PTPRD: variants seen among roughly 807,000 people sequenced by gnomAD.
PTPRD encodes the protein receptor-type tyrosine-protein phosphatase delta.
PTPRD carries 34 observed loss-of-function variants against 214.5 expected under a neutral mutation model. That is an observed-to-expected ratio of 0.16 (90% CI 0.12 to 0.21). The LOEUF is 0.21. Ranked by LOEUF, PTPRD falls within the 10% of genes least tolerant of loss-of-function variation. PTPRD has a pLI of 1.00. For synonymous variants in PTPRD, 1,128 were observed against 845.7 expected, an observed-to-expected ratio of 1.33 and a Z score of -5.79; for missense variants, 2,545 against 2,398.7, an observed-to-expected ratio of 1.06 and a Z score of -1.27.
At chr9:9,965,210 A>T (rs1452479503) in intron 4 of PTPRD, among the ~76,000 whole-genome samples, 1 of 152,142 alleles carries the variant, frequency 6.6e-6, no homozygotes, top group Non-Finnish European at 1.5e-5. Context: ...TAGAATCATG[A>T]AAAATAAACT....
chr9:9,224,208 T>C (rs2099957981), intron 9 of PTPRD, among the ~76,000 whole-genome samples: 1 of 151,934 alleles, frequency 6.6e-6, no homozygotes, highest in Non-Finnish European at 1.5e-5. Flanking sequence ...GGTGATAGAC[T>C]CAAGAGTAAG....
intron 5 of PTPRD, among the ~76,000 whole-genome samples, chr9:9,784,749 G>C (rs2098904657): frequency 1.3e-5 from 2 of 151,200 alleles, no homozygotes; most frequent in Non-Finnish European, 3.0e-5. Flanking sequence ...TTTATTACCA[G>C]CATTTAAAAT....
intron 9 of PTPRD, among the ~76,000 whole-genome samples, chr9:9,273,775 G>T (rs368429489): frequency 6.6e-6 from 1 of 151,254 alleles, no homozygotes; most frequent in East Asian, 2.0e-4. Context: ...GGAAGTAAGA[G>T]ATTATAATGA....
chr9:10,137,803 A>G (rs2098953673), intron 3 of PTPRD, among the ~76,000 whole-genome samples: 1 of 152,118 alleles, frequency 6.6e-6, no homozygotes, highest in African/African-American at 2.4e-5. Flanking sequence ...TTTGGTAAAC[A>G]ACAAAATTAA....
intron 10 of PTPRD, among the ~76,000 whole-genome samples, chr9:9,074,500 C>T (rs900237118): frequency 3.3e-5 from 5 of 152,012 alleles, no homozygotes; most frequent in Non-Finnish European, 7.4e-5. Context: ...CTTGTAATTT[C>T]TTTCCACCTT....
intron 8 of PTPRD, among the ~76,000 whole-genome samples, chr9:9,522,658 CT>C (rs1183422271): frequency 2.6e-5 from 4 of 152,114 alleles, no homozygotes; most frequent in Non-Finnish European, 4.4e-5. Flanking sequence ...TTCCTGCACT[CT>C]TTTCTCTAAT....
chr9:9,859,713 A>G (rs2153687721), intron 5 of PTPRD, among the ~76,000 whole-genome samples: 1 of 152,302 alleles, frequency 6.6e-6, no homozygotes, highest in South Asian at 2.1e-4. Flanking sequence ...ATCTAGTCTC[A>G]TACTGCTGAC....
Position 8,381,085 on chromosome 9 carries a change from G to A in PTPRD, c.4387-4359C>T, listed in dbSNP as rs137863858. ...ACTTAGAAGAGGCAATAAATGATAC[G>A]TGGGATACCATAACTATTGCTAAAA... On this transcript the variant is annotated intron_variant, in intron 37 of 45. Transcript: ENST00000381196. Among the ~76,000 whole-genome samples the A allele has an allele frequency of 2.7e-4, 41 of 152,270 alleles. 1 individual carries two copies. In the East Asian group the frequency reaches 4.8e-3, roughly 18 times the overall value.
At chr9:9,651,582 A>C (rs1243005427) in intron 7 of PTPRD, among the ~76,000 whole-genome samples, 1 of 152,060 alleles carries the variant, frequency 6.6e-6, no homozygotes, top group Non-Finnish European at 1.5e-5. Flanking sequence ...TGTGTTCTTT[A>C]TTATGGCTGC....
intron 7 of PTPRD, among the ~76,000 whole-genome samples, chr9:9,592,683 A>G (rs1421530310): frequency 3.3e-5 from 5 of 151,986 alleles, no homozygotes; most frequent in Admixed American, 2.0e-4. Flanking sequence ...CCCATAGCCT[A>G]CAAGCAAACA....
At chr9:8,538,857 G>A (rs1310740150) in intron 14 of PTPRD, among the ~76,000 whole-genome samples, 1 of 151,760 alleles carries the variant, frequency 6.6e-6, no homozygotes, top group African/African-American at 2.4e-5. Context: ...CAGTTGAAAG[G>A]AAACACTTTC....
chr9:10,480,982 A>C (rs761831932), intron 2 of PTPRD, among the ~76,000 whole-genome samples: 16 of 152,208 alleles, frequency 1.1e-4, no homozygotes, highest in African/African-American at 3.1e-4. Flanking sequence ...CCAGTGACTC[A>C]AGTCGAGTCA....
In PTPRD at chr9:10,517,766, T is replaced by C. The variant is rs574634666; in HGVS notation, c.-600+94632A>G. Among the ~76,000 whole-genome samples, 11 of 152,224 alleles carry C rather than the reference T, an allele frequency of 7.2e-5. No individual in the cohort carries two copies. The South Asian group carries it at 2.3e-3, about 32-fold the overall frequency. ...AGGGTCTTTGCTTCCAAGTTGGAAA[T>C]GTTAACACCAGTAATCTTTTTAATA... On this transcript the variant is annotated intron_variant, in intron 2 of 45. Coordinates refer to ENST00000381196, the MANE Select transcript of PTPRD (RefSeq NM_002839.4).
chr9:10,194,091 C>T (rs1117237), intron 3 of PTPRD, among the ~76,000 whole-genome samples: 65,927 of 151,670 alleles, frequency 0.43, 17,520 homozygotes, highest in Admixed American at 0.58. Flanking sequence ...AAGCAACGTT[C>T]AGCCAAAATA....
chr9:10,188,575 C>CT (rs35140958), intron 3 of PTPRD, among the ~76,000 whole-genome samples: 3,554 of 143,614 alleles, frequency 0.025, 117 homozygotes, highest in African/African-American at 0.075. Context: ...TAAATAGTAT[C>CT]TTTTTTTTTT....
chr9:10,558,314 G>C lies in PTPRD; in HGVS notation c.-600+54084C>G, dbSNP rs187755232. On this transcript the variant is annotated intron_variant, in intron 2 of 45. Transcript: ENST00000381196. ...CTTTGATATAGATCATTTTAGATGG[G>C]ATATTAATTATAAGTAGATGATGGA... Among the ~76,000 whole-genome samples the C allele has an allele frequency of 1.8e-3, 275 of 152,208 alleles. 3 individuals carry two copies. The highest frequency in any genetic ancestry group is 6.4e-3 in the African/African-American group (266 of 41,524).
chr9:9,856,106 G>C (rs950629171), intron 5 of PTPRD, among the ~76,000 whole-genome samples: 5 of 152,152 alleles, frequency 3.3e-5, no homozygotes, highest in Admixed American at 3.3e-4. Context: ...AAGGTGGGTA[G>C]GTAATCTTCA....
At chr9:9,022,827 G>A (rs775449092) in intron 10 of PTPRD, among the ~76,000 whole-genome samples, 7 of 152,120 alleles carry the variant, frequency 4.6e-5, no homozygotes, top group African/African-American at 2.4e-5. Context: ...TTCAAAAATG[G>A]TTGCTTTTAC....
intron 9 of PTPRD, among the ~76,000 whole-genome samples, chr9:9,188,227 T>C (rs1003804790): frequency 6.6e-6 from 1 of 152,110 alleles, no homozygotes; most frequent in Non-Finnish European, 1.5e-5. Flanking sequence ...CATGTTGTAA[T>C]TTGTCAAATA....
Sources: allele counts gnomAD v4.1 joint callset (sites outside exome capture counted in the v4.1 genomes callset), GRCh38; gene constraint gnomAD v4.1.1; transcripts MANE v1.5; gene names NCBI Gene and HGNC (gene_info 2026-07-23, HGNC 2026-07-21).